Variants in PDE10A observed in about 807,000 individuals in gnomAD.
PDE10A encodes phosphodiesterase 10A.
Under a neutral mutation model 97.7 loss-of-function variants are expected in PDE10A, and 39 were observed. The observed-to-expected ratio is 0.40, with a 90% CI of 0.31 to 0.52. The LOEUF is 0.52. Among genes scored for constraint, PDE10A ranks in the 20% least tolerant of loss-of-function variants. The probability of loss-of-function intolerance (pLI) is 0.56; values close to 1 mark genes in which losing one functional copy is unlikely to be tolerated. For synonymous variants in PDE10A, 371 were observed against 376.8 expected (o/e 0.98, Z 0.18); for missense variants, 731 against 1,047.8 (o/e 0.70, Z 4.17).
Position 165,388,237 on chromosome 6 carries a change from A to C in PDE10A, c.2610+61T>G. On this transcript the variant is annotated intron_variant, in intron 17 of 21. Transcript: ENST00000539869. This position sits in a 1 kb window ranked among gnomAD's most constrained non-coding sequence, Gnocchi z 4.0. ...AATGATCTTCCTTTTCCACCTATGA[A>C]GTATCCCTATCTCCCAGACAGCCCT... 2 of 1,497,808 alleles carry C rather than the reference A, an allele frequency of 1.3e-6. No individual in the cohort carries two copies. The highest frequency in any genetic ancestry group is 1.9e-6 in the Non-Finnish European group (2 of 1,078,694). 92.8% of individuals were successfully genotyped at this position (1,497,808 alleles called of 1,614,324 possible).
chr6:165,410,813 G>A (rs752375739), intron 13 of PDE10A, among the ~76,000 whole-genome samples: 12 of 151,668 alleles, frequency 7.9e-5, no homozygotes, highest in Middle Eastern at 3.4e-3. Context: ...CCTTGGCCGG[G>A]CGCGGTGGCT....
intron 3 of PDE10A, among the ~76,000 whole-genome samples, chr6:165,459,580 T>TAC (rs113225504): frequency 1.9e-5 from 1 of 51,862 alleles, no homozygotes; most frequent in South Asian, 4.0e-4. Context: ...TAATGATAGA[T>TAC]ATATATATAT....
chr6:165,937,714 C>A lies in PDE10A; in HGVS notation c.-615+49815G>T, dbSNP rs139702157. Among the ~76,000 whole-genome samples, 180 of 152,284 alleles carry A rather than the reference C, an allele frequency of 1.2e-3. 2 individuals carry two copies. In the East Asian group the frequency reaches 0.025, roughly 21 times the overall value. On this transcript the variant is annotated intron_variant, in intron 1 of 19. Transcript: ENST00000366882. ...TAGAGAAAAACAGGCTGAGAAAGAG[C>A]TGTTGTCAGTTTCACAAAACCTGTC... is the stretch of plus-strand genomic sequence containing the variant.
intron 18 of PDE10A, among the ~76,000 whole-genome samples, chr6:165,350,416 C>G (rs1782617083): frequency 6.6e-6 from 1 of 152,188 alleles, no homozygotes; most frequent in African/African-American, 2.4e-5. Flanking sequence ...TACCCAATGC[C>G]TGTACCCCCA....
intron 1 of PDE10A, among the ~76,000 whole-genome samples, chr6:165,551,656 T>C (rs546069978): frequency 7.5e-4 from 115 of 152,330 alleles, no homozygotes; most frequent in Non-Finnish European, 1.5e-3. Flanking sequence ...AAGGCCAGAC[T>C]GCCTTGTGTT....
chr6:165,547,266 A>G (rs577513580), intron 1 of PDE10A, among the ~76,000 whole-genome samples: 3 of 152,228 alleles, frequency 2.0e-5, no homozygotes, highest in Admixed American at 6.5e-5. Context: ...TTTTCATTTC[A>G]TTTTTCAGCA....
At chr6:165,710,404 A>G (rs1004877666) in intron 1 of PDE10A, among the ~76,000 whole-genome samples, 1 of 152,200 alleles carries the variant, frequency 6.6e-6, no homozygotes, top group Non-Finnish European at 1.5e-5. Context: ...CCAAGTGCAA[A>G]GTCCTTTTAG....
intron 1 of PDE10A, among the ~76,000 whole-genome samples, chr6:165,739,483 T>A (rs1426701446): frequency 6.6e-6 from 1 of 151,968 alleles, no homozygotes; most frequent in East Asian, 1.9e-4. Context: ...TATACAAAAA[T>A]CAACTCAAGC....
At chr6:165,592,993 T>C (rs552773302) in intron 1 of PDE10A, among the ~76,000 whole-genome samples, 1 of 152,326 alleles carries the variant, frequency 6.6e-6, no homozygotes, top group South Asian at 2.1e-4. Flanking sequence ...TAAAGACACA[T>C]GCACATGTAT....
At chr6:165,493,613 C>T (rs1780349428) in intron 2 of PDE10A, among the ~76,000 whole-genome samples, 1 of 151,820 alleles carries the variant, frequency 6.6e-6, no homozygotes, top group South Asian at 2.1e-4. Context: ...ACAAACAGTG[C>T]TGGGATAATT....
intron 1 of PDE10A, among the ~76,000 whole-genome samples, chr6:165,789,395 C>A (rs1778584642): frequency 6.6e-6 from 1 of 152,166 alleles, no homozygotes; most frequent in African/African-American, 2.4e-5. Context: ...ATTCATCAAG[C>A]ATAATTTTAA....
At chr6:165,676,590 A>T (rs1790801588) in intron 1 of PDE10A, among the ~76,000 whole-genome samples, 1 of 151,994 alleles carries the variant, frequency 6.6e-6, no homozygotes, top group South Asian at 2.1e-4. Flanking sequence ...GATAGCCGTG[A>T]GAGGGGTCCA....
chr6:165,456,107 T>C (rs981060888), intron 3 of PDE10A, among the ~76,000 whole-genome samples: 1 of 152,212 alleles, frequency 6.6e-6, no homozygotes, highest in South Asian at 2.1e-4. Flanking sequence ...TGCTACTCTA[T>C]CATACCCTCT....
intron 9 of PDE10A, 65 bp from the exon 10 acceptor site, chr6:165,428,774 A>G: frequency 3.3e-6 from 2 of 614,262 alleles, no homozygotes; most frequent in Non-Finnish European, 5.7e-6. Flanking sequence ...TTACACTTTG[A>G]ATTCATTTCC....
intron 1 of PDE10A, among the ~76,000 whole-genome samples, chr6:165,788,518 C>CAAAAAAAAAAAAAAA (rs56927613): frequency 4.0e-5 from 3 of 74,760 alleles, no homozygotes; most frequent in South Asian, 5.5e-4. Context: ...AACTCTGTCT[C>CAAAAAAAAAAAAAAA]AAAAAAAAAA....
chr6:165,943,164 GAAAGAAAGAAAAAAGAAAGAAAGAAAGA>G (rs1783593213), intron 1 of PDE10A, among the ~76,000 whole-genome samples: 2 of 81,712 alleles, frequency 2.4e-5, no homozygotes, highest in African/African-American at 5.4e-5. Context: ...AGAGAGAGAA[GAAAGAAAGAAAAAAGAAAGAAAGAAAGA>G]AAGAAAGAAA....
chr6:165,459,594 T>TAA (rs1297009043), intron 3 of PDE10A, among the ~76,000 whole-genome samples: 4 of 147,362 alleles, frequency 2.7e-5, no homozygotes, highest in Non-Finnish European at 4.5e-5. Context: ...TATATATATA[T>TAA]AATATAGATA....
intron 2 of PDE10A, among the ~76,000 whole-genome samples, chr6:165,487,626 C>A (rs1184952788): frequency 6.6e-6 from 1 of 152,178 alleles, no homozygotes; most frequent in Non-Finnish European, 1.5e-5. Flanking sequence ...CCCAAACCTG[C>A]AGTCACTAGT....
chr6:165,691,497 C>T (rs1489919308), intron 1 of PDE10A, among the ~76,000 whole-genome samples: 1 of 151,820 alleles, frequency 6.6e-6, no homozygotes, highest in African/African-American at 2.4e-5. Context: ...TCTTAGACAA[C>T]AAAATCGCCT....
Sources: allele counts gnomAD v4.1 joint callset (sites outside exome capture counted in the v4.1 genomes callset), GRCh38; gene constraint gnomAD v4.1.1; non-coding constraint Gnocchi (gnomAD v3.1); transcripts MANE v1.5; gene names NCBI Gene and HGNC (gene_info 2026-07-23, HGNC 2026-07-21).